The following PANK4 variants were observed in gnomAD, a reference collection of about 807,000 sequenced individuals.
The protein encoded by PANK4 is 4'-phosphopantetheine phosphatase.
In PANK4, 40 loss-of-function variants were observed where a neutral mutation model predicts 87.9. The ratio of observed to expected loss-of-function variants is 0.46; its 90% CI spans 0.35 to 0.59. PANK4 has a LOEUF of 0.59. PANK4 is among the 20% of genes least tolerant of loss of function. The pLI is 0.00. For synonymous variants in PANK4, 524 were observed against 467.4 expected, an observed-to-expected ratio of 1.12 and a Z score of -1.56; for missense variants, 926 against 1,072.3, an observed-to-expected ratio of 0.86 and a Z score of 1.90.
At chr1:2,514,330 C>T (rs754064113) in intron 11 of PANK4, 24 bp downstream of exon 11, 2 of 1,546,676 alleles carry the variant, frequency 1.3e-6, no homozygotes, top group Non-Finnish European at 1.8e-6. Context: ...GAGGTGGCCA[C>T]ACACCGGGGT....
chr1:2,516,983 C>G (rs1014334834), intron 9 of PANK4, among the ~76,000 whole-genome samples: 1 of 152,238 alleles, frequency 6.6e-6, no homozygotes, highest in Non-Finnish European at 1.5e-5. Context: ...GGTGGGGTAC[C>G]AAATAGGTAA....
In PANK4 at chr1:2,509,107, C is replaced by A; in HGVS notation, c.2109-47G>T. The stretch of plus-strand genomic sequence containing the variant: ...TGAGACTGGGCAAGCAGACCCCAGA[C>A]CCCACTTCCCATACAGTGCGGCGAC... On this transcript the variant is annotated intron_variant, in intron 18 of 18. Coordinates refer to ENST00000378466, the MANE Select transcript of PANK4 (RefSeq NM_018216.4). This position sits in a 1 kb window ranked among gnomAD's most constrained non-coding sequence, Gnocchi z 4.9. 6.9e-7 allele frequency: 1 copy of A among 1,450,666 alleles called. No individual in the cohort carries two copies. The highest frequency in any genetic ancestry group is 9.4e-7 in the Non-Finnish European group (1 of 1,062,778). 89.9% of individuals were successfully genotyped at this position (1,450,666 alleles called of 1,614,324 possible).
At position 2,519,868 on chromosome 1, in the gene PANK4, G is replaced by A; in HGVS notation, c.786C>T (p.His262=). 6.4e-7 allele frequency: 1 copy of A among 1,569,778 alleles called. No homozygotes were observed. The highest frequency in any genetic ancestry group is 1.3e-5 in the African/African-American group (1 of 74,200). Residue 262 remains histidine, a synonymous_variant, in exon 6 of 19, where the codon CAC becomes CAT. Transcript: ENST00000378466. This position sits in a 1 kb window ranked among gnomAD's most constrained non-coding sequence, Gnocchi z 8.3. ...GGTTCCCGCTCAGCCCGAGAGTCTG[G>A]TGGGCGCCGCCGTAGACGTCCCGCA... ...MLVRDVYGGA[H]QTLGLSGNLI... is the part of the protein sequence containing the mutation.
At chr1:2,512,657 C>A (rs1242839980) in intron 13 of PANK4, 1 of 552,374 alleles carries the variant, frequency 1.8e-6, no homozygotes, top group Non-Finnish European at 3.2e-6. Flanking sequence ...GGCACCCATG[C>A]TTAAGGAAGG....
At chr1:2,517,995 T>C (rs1643813304) in intron 9 of PANK4, among the ~76,000 whole-genome samples, 169 bp downstream of exon 9, 1 of 152,236 alleles carries the variant, frequency 6.6e-6, no homozygotes, top group Admixed American at 6.5e-5. Flanking sequence ...CAAGCCACAG[T>C]GTCCTTCTCT....
rs1643626165 is a variant in PANK4 at position 2,509,640 on chromosome 1, G to T, written c.2108+222C>A. On this transcript the variant is annotated intron_variant, in intron 18 of 18. Coordinates refer to ENST00000378466, the MANE Select transcript of PANK4 (RefSeq NM_018216.4). This position sits in a 1 kb window ranked among gnomAD's most constrained non-coding sequence, Gnocchi z 4.9. ...CTCTTGCCCCAAGTCCCCAAACCCA[G>T]CCCATGTGTAACCACCTCAGACCCT... is the stretch of plus-strand genomic sequence containing the variant. Among the ~76,000 whole-genome samples, 1 of 152,142 alleles carries T rather than the reference G, an allele frequency of 6.6e-6. No homozygotes were observed. The highest frequency in any genetic ancestry group is 2.4e-5 in the African/African-American group (1 of 41,430).
At chr1:2,511,105 T>C (rs929486313) in intron 15 of PANK4, among the ~76,000 whole-genome samples, 2 of 152,184 alleles carry the variant, frequency 1.3e-5, no homozygotes, top group Non-Finnish European at 2.9e-5. Context: ...CAGGGGCCAG[T>C]GCCTGTCTCT....
At chr1:2,512,728 T>C (rs1424202068) in intron 13 of PANK4, 160 bp downstream of exon 13, 11 of 702,378 alleles carry the variant, frequency 1.6e-5, no homozygotes, top group Non-Finnish European at 2.5e-5. Flanking sequence ...CCCCTGGCGC[T>C]GCTGCCATGT....
At position 2,509,075 on chromosome 1, in the gene PANK4, A is replaced by AG; in HGVS notation, c.2109-16dup. The AG allele has an allele frequency of 6.3e-7, 1 of 1,581,450 alleles. No individual in the cohort carries two copies. On this transcript the variant is annotated splice_polypyrimidine_tract_variant and intron_variant, in intron 18 of 18. Transcript: ENST00000378466. This position sits in a 1 kb window ranked among gnomAD's most constrained non-coding sequence, Gnocchi z 4.9. ...TATCCAGGCGGCTTTGGGGAGGAAG[A>AG]GGACGGTGAGACTGGGCAAGCAGAC...
Position 2,520,525 on chromosome 1 carries a change from G to A in PANK4, c.607-111C>T, listed in dbSNP as rs1403831505. On this transcript the variant is annotated intron_variant, in intron 4 of 18. Coordinates refer to ENST00000378466, the MANE Select transcript of PANK4 (RefSeq NM_018216.4). This position sits in a 1 kb window ranked among gnomAD's most constrained non-coding sequence, Gnocchi z 6.2. ...GGTGAACCCCGCCCCCACCCCAACC[G>A]CCAGTGGGAGGACTCTCATGGCCAA... 4.5e-5 allele frequency: 24 copies of A among 535,538 alleles called. No individual in the cohort carries two copies. Among genetic ancestry groups the A allele is most frequent in the African/African-American group, 2.3e-4 (5 of 21,886 alleles). 33.2% of individuals were successfully genotyped at this position (535,538 alleles called of 1,614,324 possible). A position where few individuals can be genotyped will look rare whatever the true frequency, so the allele number is the denominator to read the frequency against.
chr1:2,520,402 C>T lies in PANK4; in HGVS notation c.619G>A (p.Asp207Asn). 6.2e-7 allele frequency: 1 copy of T among 1,612,828 alleles called. No individual in the cohort carries two copies. Residue 207 changes from aspartate to asparagine, a missense_variant, in exon 5 of 19, where the codon GAC becomes AAC. By Grantham distance (23) the Asp-to-Asn change is conservative. Coordinates refer to ENST00000378466, the MANE Select transcript of PANK4 (RefSeq NM_018216.4). The surrounding 1 kb of genome is among the most constrained non-coding windows in gnomAD (Gnocchi z 6.2). ...GVSIVKVETE[D>N]RFEWVGGSSI... ...CTGCCGCCGACCCACTCGAACCTGT[C>T]CTCCGTCTCCACCTGCAACAGAGCC... is the stretch of plus-strand genomic sequence containing the variant.
In PANK4 at chr1:2,520,431, G is replaced by A. The variant is rs1254877226; in HGVS notation, c.607-17C>T. 16 of 1,609,376 alleles carry A rather than the reference G, an allele frequency of 9.9e-6. No individual in the cohort carries two copies. The East Asian group carries it at 3.3e-4, about 34-fold the overall frequency. ...CGTCTCCACCTGCAACAGAGCCAGG[G>A]CAGGTGTGCCCTCAGTGGGCCCTCA... On this transcript the variant is annotated splice_polypyrimidine_tract_variant and intron_variant, in intron 4 of 18. Transcript: ENST00000378466. This position sits in a 1 kb window ranked among gnomAD's most constrained non-coding sequence, Gnocchi z 6.2.
intron 1 of PANK4, among the ~76,000 whole-genome samples, chr1:2,524,806 C>T (rs1381279434): frequency 6.6e-6 from 1 of 152,358 alleles, no homozygotes; most frequent in Non-Finnish European, 1.5e-5. Context: ...AGTGTAAGGG[C>T]AGCAGAACCT....
At position 2,520,681 on chromosome 1, in the gene PANK4, G is replaced by C. The variant is rs184580833; in HGVS notation, c.606+42C>G. The C allele has an allele frequency of 1.6e-3, 2,548 of 1,576,204 alleles. 7 individuals are homozygous for C. The highest frequency in any genetic ancestry group is 2.0e-3 in the Non-Finnish European group (2,300 of 1,150,230). ...ACACAGCGAGGGCTTAACAAACTAT[G>C]GCTAAACCATCCACTCATTCATTCA... On this transcript the variant is annotated intron_variant, in intron 4 of 18. Coordinates refer to ENST00000378466, the MANE Select transcript of PANK4 (RefSeq NM_018216.4). This position sits in a 1 kb window ranked among gnomAD's most constrained non-coding sequence, Gnocchi z 6.2.
Position 2,520,308 on chromosome 1 carries a change from C to T in PANK4, c.699+14G>A. 1.2e-6 allele frequency: 2 copies of T among 1,610,260 alleles called. No homozygotes were observed. The highest frequency in any genetic ancestry group is 1.1e-5 in the South Asian group (1 of 91,044). ...CCGCAGACCCCTGGAAGGTCTCTGG[C>T]AGCTGCCGCATACCTTCGTTTTGGT... On this transcript the variant is annotated intron_variant, in intron 5 of 18. Coordinates refer to ENST00000378466, the MANE Select transcript of PANK4 (RefSeq NM_018216.4). The surrounding 1 kb of genome is among the most constrained non-coding windows in gnomAD (Gnocchi z 6.2).
intron 2 of PANK4, 158 bp downstream of exon 2, chr1:2,521,560 G>T: frequency 1.3e-6 from 1 of 756,116 alleles, no homozygotes. Context: ...GTCTTGAAGG[G>T]ACACGGCGGA....
At position 2,515,715 on chromosome 1, in the gene PANK4, A is replaced by G. The variant is rs1268430369; in HGVS notation, c.1221T>C (p.Phe407=). The change falls in exon 10 of 19, where the codon TTT becomes TTC. Residue 407 remains phenylalanine (F), a splice_region_variant and synonymous_variant. Transcript: ENST00000378466. This position sits in a 1 kb window ranked among gnomAD's most constrained non-coding sequence, Gnocchi z 5.0. ...GPAQRARSGT[F]DLLEMDRLER... is the part of the protein sequence containing the mutation. ...CCAGCCGGTCCATTTCCAGCAAGTC[A>G]AACTGGAAGACAGGCAGTGGCAGGG... The G allele has an allele frequency of 6.2e-7, 1 of 1,612,798 alleles. No homozygotes were observed. The highest frequency in any genetic ancestry group is 8.5e-7 in the Non-Finnish European group (1 of 1,179,794).
chr1:2,517,531 G>A (rs1234794502), intron 9 of PANK4, among the ~76,000 whole-genome samples: 1 of 152,244 alleles, frequency 6.6e-6, no homozygotes, highest in African/African-American at 2.4e-5. Flanking sequence ...TGTGACACGG[G>A]GCGGTTCCTG....
At chr1:2,517,773 G>A (rs901891440) in intron 9 of PANK4, among the ~76,000 whole-genome samples, 8 of 152,274 alleles carry the variant, frequency 5.3e-5, no homozygotes, top group African/African-American at 1.9e-4. Context: ...GTGTGCGGCA[G>A]AGCGCGCAGT....
Sources: gnomAD v4.1 joint callset for allele counts (sites outside exome capture counted in the v4.1 genomes callset) on GRCh38, gnomAD v4.1.1 for gene constraint, Gnocchi (gnomAD v3.1) non-coding constraint, MANE v1.5 for transcripts, NCBI Gene and HGNC (gene_info 2026-07-23, HGNC 2026-07-21) for gene names.